NXPH1: variants seen among roughly 807,000 people sequenced by gnomAD.
The protein encoded by NXPH1 is neurexophilin-1.
A neutral mutation model predicts 23.7 loss-of-function variants in NXPH1; 5 were observed. The ratio of observed to expected loss-of-function variants is 0.21; its 90% confidence interval spans 0.11 to 0.44. The LOEUF (loss-of-function observed/expected upper bound fraction) is 0.44, where lower values mean the gene tolerates loss of function less well. Ranked by LOEUF, NXPH1 falls within the 20% of genes least tolerant of loss-of-function variation. NXPH1 has a pLI of 0.99. For synonymous variants in NXPH1, 144 were observed against 122.2 expected (o/e 1.18, Z -1.18); for missense variants, 324 against 321.6 (o/e 1.01, Z -0.06).
At chr7:8,573,419 T>C (rs1306440352) in intron 2 of NXPH1, among the ~76,000 whole-genome samples, 1 of 152,154 alleles carries the variant, frequency 6.6e-6, no homozygotes, top group African/African-American at 2.4e-5. Context: ...AACTACTTTA[T>C]AAATAGATTA....
intron 2 of NXPH1, among the ~76,000 whole-genome samples, chr7:8,703,199 C>A (rs1252826166): frequency 6.6e-6 from 1 of 152,116 alleles, no homozygotes; most frequent in Non-Finnish European, 1.5e-5. Context: ...TGCCTCTTCT[C>A]AGAGGTTCAA....
At chr7:8,650,985 C>A (rs7797754) in intron 2 of NXPH1, among the ~76,000 whole-genome samples, 106,809 of 151,122 alleles carry the variant, frequency 0.71, 38,488 homozygotes, top group East Asian at 1. Flanking sequence ...ATTTATTATT[C>A]TTATACTTTA....
chr7:8,740,094 G>C (rs998440360), intron 2 of NXPH1, among the ~76,000 whole-genome samples: 1 of 152,188 alleles, frequency 6.6e-6, no homozygotes, highest in Non-Finnish European at 1.5e-5. Context: ...TTTCCAGTCA[G>C]GAGACAAGTA....
At chr7:8,615,818 T>G (rs1819721836) in intron 2 of NXPH1, among the ~76,000 whole-genome samples, 2 of 152,032 alleles carry the variant, frequency 1.3e-5, no homozygotes, top group Non-Finnish European at 2.9e-5. Context: ...ATTGCAAGGA[T>G]GACAAGTGCT....
intron 2 of NXPH1, among the ~76,000 whole-genome samples, chr7:8,737,887 T>C (rs1780289582): frequency 1.3e-5 from 2 of 152,214 alleles, no homozygotes; most frequent in South Asian, 4.1e-4. Context: ...TAAGTTGATC[T>C]TCAATCTCTG....
rs888739925 is a variant in NXPH1, at chr7:8,609,460, C to G, written c.55-141548C>G. 5.3e-5 allele frequency among the ~76,000 whole-genome samples: 8 copies of G among 152,094 alleles called. No individual in the cohort carries two copies. In the South Asian group the frequency reaches 1.2e-3, roughly 24 times the overall value. ...TGATGTTGCCTCAAATATCAAGAAGCTGGTATTATGCAAATGGATCTTGTG... is the reference window on the plus strand; with the variant it reads ...TGATGTTGCCTCAAATATCAAGAAGGTGGTATTATGCAAATGGATCTTGTG... On this transcript the variant is annotated intron_variant, in intron 2 of 2. Coordinates refer to ENST00000405863, the MANE Select transcript of NXPH1 (RefSeq NM_152745.3).
intron 2 of NXPH1, among the ~76,000 whole-genome samples, chr7:8,624,090 AAGCAGTGTGAGTGGAAAGGAGG>A (rs2115127126): frequency 1.3e-5 from 2 of 152,194 alleles, no homozygotes; most frequent in South Asian, 4.2e-4. Flanking sequence ...CCTAAAGGAG[AAGCAGTGTGAGTGGAAAGGAGG>A]AGCAGATGTG....
At chr7:8,706,360 A>G (rs572776231) in intron 2 of NXPH1, among the ~76,000 whole-genome samples, 3 of 152,328 alleles carry the variant, frequency 2.0e-5, no homozygotes, top group Non-Finnish European at 2.9e-5. Flanking sequence ...AGGTGTCTCA[A>G]ACTTTTACTA....
chr7:8,537,626 T>A (rs1417738027), intron 2 of NXPH1, among the ~76,000 whole-genome samples: 3 of 151,938 alleles, frequency 2.0e-5, no homozygotes, highest in Non-Finnish European at 4.4e-5. Flanking sequence ...CAGTTCAAGA[T>A]GAGATTTGAG....
intron 2 of NXPH1, among the ~76,000 whole-genome samples, chr7:8,715,951 G>A (rs1427979193): frequency 3.3e-5 from 5 of 152,030 alleles, no homozygotes. Flanking sequence ...ATATATAAAT[G>A]TATTAGCAGT....
intron 2 of NXPH1, among the ~76,000 whole-genome samples, chr7:8,522,280 T>G (rs1817785361): frequency 6.6e-6 from 1 of 152,150 alleles, no homozygotes; most frequent in African/African-American, 2.4e-5. Flanking sequence ...CTCTATCCCT[T>G]GGTCCCATTT....
intron 2 of NXPH1, among the ~76,000 whole-genome samples, chr7:8,651,997 C>A (rs1820498459): frequency 6.6e-6 from 1 of 152,114 alleles, no homozygotes; most frequent in Non-Finnish European, 1.5e-5. Flanking sequence ...GATCCTCCCA[C>A]CTCCACCCTA....
chr7:8,630,989 A>C (rs2008353), intron 2 of NXPH1, among the ~76,000 whole-genome samples: 15 of 152,012 alleles, frequency 9.9e-5, no homozygotes, highest in Non-Finnish European at 1.8e-4. Flanking sequence ...ATGTGTTCTC[A>C]TCATCTAGTT....
At chr7:8,626,743 CT>C (rs1227263485) in intron 2 of NXPH1, among the ~76,000 whole-genome samples, 1 of 152,066 alleles carries the variant, frequency 6.6e-6, no homozygotes, top group Non-Finnish European at 1.5e-5. Flanking sequence ...ATATTTCACT[CT>C]GATTTTATGC....
At chr7:8,749,359 G>A (rs1780527096) in intron 2 of NXPH1, among the ~76,000 whole-genome samples, 1 of 152,192 alleles carries the variant, frequency 6.6e-6, no homozygotes, top group Admixed American at 6.5e-5. Flanking sequence ...GCTTGGCAGT[G>A]TCAGAGCTGG....
intron 2 of NXPH1, among the ~76,000 whole-genome samples, chr7:8,538,072 T>C (rs1194301183): frequency 1.3e-5 from 2 of 151,890 alleles, no homozygotes; most frequent in Non-Finnish European, 2.9e-5. Flanking sequence ...AGTGTAATAA[T>C]AGTAATGATA....
At chr7:8,497,489 G>T (rs1352659291) in intron 2 of NXPH1, among the ~76,000 whole-genome samples, 2 of 152,136 alleles carry the variant, frequency 1.3e-5, no homozygotes, top group Non-Finnish European at 2.9e-5. Flanking sequence ...CAGTGTAAAA[G>T]TCTTCCTATT....
intron 2 of NXPH1, among the ~76,000 whole-genome samples, chr7:8,577,570 C>T (rs187017232): frequency 2.6e-5 from 4 of 152,304 alleles, no homozygotes; most frequent in Non-Finnish European, 5.9e-5. Context: ...TCCCTTCAAA[C>T]ATTTATTATC....
intron 2 of NXPH1, among the ~76,000 whole-genome samples, chr7:8,665,653 T>C: frequency 6.6e-6 from 1 of 152,034 alleles, no homozygotes. Flanking sequence ...TTCATGAACA[T>C]GGGATAGCTT....
Sources: allele counts gnomAD v4.1 joint callset (sites outside exome capture counted in the v4.1 genomes callset), GRCh38; gene constraint gnomAD v4.1.1; transcripts MANE v1.5; gene names NCBI Gene and HGNC (gene_info 2026-07-23, HGNC 2026-07-21).